Variants in SYT1 observed in about 807,000 individuals in gnomAD.
SYT1 encodes the protein synaptotagmin-1.
SYT1 carries 8 observed loss-of-function variants against 44.8 expected under a neutral mutation model. The observed-to-expected ratio is 0.18, with a 90% confidence interval of 0.10 to 0.32. The LOEUF is 0.32. Among genes scored for constraint, SYT1 ranks in the 10% least tolerant of loss-of-function variants. The pLI is 1.00. For synonymous variants in SYT1, 154 were observed against 188.8 expected, an observed-to-expected ratio of 0.82 and a Z score of 1.51; for missense variants, 286 against 509.3, an observed-to-expected ratio of 0.56 and a Z score of 4.22.
chr12:79,370,517 C>G (rs1311192712), intron 9 of SYT1, among the ~76,000 whole-genome samples: 2 of 152,060 alleles, frequency 1.3e-5, no homozygotes, highest in African/African-American at 4.8e-5. Context: ...AATCCCAGCA[C>G]TTTGGGAGGC....
intron 1 of SYT1, among the ~76,000 whole-genome samples, chr12:78,929,263 G>A (rs1439679068): frequency 6.6e-6 from 1 of 150,812 alleles, no homozygotes; most frequent in Non-Finnish European, 1.5e-5. Context: ...TTAGCTGGAC[G>A]TGGCAGCACA....
At chr12:79,419,967 A>C (rs1325754973) in intron 9 of SYT1, among the ~76,000 whole-genome samples, 1 of 151,752 alleles carries the variant, frequency 6.6e-6, no homozygotes, top group African/African-American at 2.4e-5. Flanking sequence ...CTGCAACTTG[A>C]CTCCATATTT....
At chr12:79,448,356 C>T (rs1870848730) in intron 10 of SYT1, among the ~76,000 whole-genome samples, 1 of 152,208 alleles carries the variant, frequency 6.6e-6, no homozygotes, top group African/African-American at 2.4e-5. Flanking sequence ...TTTATGCTCA[C>T]AATCATATGA....
intron 1 of SYT1, among the ~76,000 whole-genome samples, chr12:78,939,359 T>G (rs1208247541): frequency 1.3e-5 from 2 of 152,186 alleles, no homozygotes; most frequent in Middle Eastern, 3.2e-3. Context: ...GATTTAAGTT[T>G]ATTGTTTTCG....
intron 3 of SYT1, among the ~76,000 whole-genome samples, chr12:79,202,900 G>C (rs543949831): frequency 6.6e-6 from 1 of 151,992 alleles, no homozygotes; most frequent in African/African-American, 2.4e-5. Context: ...CAGGATGCAG[G>C]GTGCTGAACT....
rs77029934 is a variant in SYT1, at chr12:79,300,938, T to C, written c.810+1387T>C. ...GGAAAAATACCGAGTTTTAAAATTA[T>C]ATGATTTTATGGATAGTTCTTTCCT... On this transcript the variant is annotated intron_variant, in intron 8 of 10. Transcript: ENST00000261205. Among the ~76,000 whole-genome samples, 1,090 of 151,094 alleles carry C rather than the reference T, an allele frequency of 7.2e-3. 13 individuals are homozygous for C. The highest frequency in any genetic ancestry group is 0.025 in the African/African-American group (1,039 of 41,272).
At chr12:78,990,959 T>G (rs1485655148) in intron 2 of SYT1, among the ~76,000 whole-genome samples, 1 of 152,136 alleles carries the variant, frequency 6.6e-6, no homozygotes, top group African/African-American at 2.4e-5. Flanking sequence ...ATAAAACAAG[T>G]GAATGTGGCC....
chr12:79,333,062 T>C (rs1448294241), intron 8 of SYT1, among the ~76,000 whole-genome samples: 2 of 152,162 alleles, frequency 1.3e-5, no homozygotes, highest in African/African-American at 2.4e-5. Context: ...GGTTATAATT[T>C]CCCCAGATGT....
At chr12:78,867,869 T>C (rs1188092766) in intron 1 of SYT1, among the ~76,000 whole-genome samples, 1 of 151,982 alleles carries the variant, frequency 6.6e-6, no homozygotes, top group Non-Finnish European at 1.5e-5. Flanking sequence ...GTATTAATTA[T>C]ATGCTTGTAT....
At chr12:79,094,677 T>C (rs1878007593) in intron 3 of SYT1, among the ~76,000 whole-genome samples, 1 of 151,924 alleles carries the variant, frequency 6.6e-6, no homozygotes, top group African/African-American at 2.4e-5. Flanking sequence ...AGATTTTTCA[T>C]TTGTTTTAAA....
At chr12:79,363,276 T>C (rs1565926422) in intron 9 of SYT1, among the ~76,000 whole-genome samples, 1 of 152,176 alleles carries the variant, frequency 6.6e-6, no homozygotes, top group East Asian at 1.9e-4. Flanking sequence ...ATTAGAAACA[T>C]GTAGCAAAAG....
intron 8 of SYT1, among the ~76,000 whole-genome samples, chr12:79,343,082 T>C (rs1029955832): frequency 6.6e-6 from 1 of 152,188 alleles, no homozygotes; most frequent in Admixed American, 6.5e-5. Flanking sequence ...GAAATCATTG[T>C]ATTATAGAAT....
At chr12:78,984,931 G>A (rs1869532173) in intron 2 of SYT1, among the ~76,000 whole-genome samples, 1 of 151,890 alleles carries the variant, frequency 6.6e-6, no homozygotes, top group Non-Finnish European at 1.5e-5. Flanking sequence ...GTTATTTGTA[G>A]TTTGCGACAT....
chr12:79,006,558 A>G (rs1039423519), intron 2 of SYT1, among the ~76,000 whole-genome samples: 1 of 152,220 alleles, frequency 6.6e-6, no homozygotes, highest in South Asian at 2.1e-4. Flanking sequence ...AGGGATAAGT[A>G]TTTGGTGCCA....
chr12:79,208,573 C>T (rs1037333104), intron 3 of SYT1, among the ~76,000 whole-genome samples: 63 of 151,778 alleles, frequency 4.2e-4, no homozygotes, highest in African/African-American at 4.6e-4. Context: ...GAGAGGGATA[C>T]GAGAAGGAAA....
At chr12:78,982,660 T>C (rs1411822011) in intron 2 of SYT1, among the ~76,000 whole-genome samples, 1 of 152,176 alleles carries the variant, frequency 6.6e-6, no homozygotes, top group Non-Finnish European at 1.5e-5. Context: ...AGGATGATGG[T>C]ATGGTCTCGC....
intron 4 of SYT1, among the ~76,000 whole-genome samples, chr12:79,273,998 C>T (rs921575410): frequency 6.6e-6 from 1 of 152,136 alleles, no homozygotes; most frequent in Non-Finnish European, 1.5e-5. Context: ...GCAGGAGGAT[C>T]GCTTGAACCC....
chr12:78,963,523 C>A (rs1428313324), intron 1 of SYT1, among the ~76,000 whole-genome samples: 1 of 152,014 alleles, frequency 6.6e-6, no homozygotes, highest in Admixed American at 6.6e-5. Context: ...ACAGACATTT[C>A]TTTAAAGAAG....
intron 10 of SYT1, among the ~76,000 whole-genome samples, 155 bp from the exon 11 acceptor site, chr12:79,448,763 C>T (rs886220009): frequency 4.6e-5 from 7 of 152,182 alleles, no homozygotes; most frequent in Admixed American, 3.9e-4. Context: ...TAAAAATTAA[C>T]GTTTGAGTAT....
Sources: allele counts gnomAD v4.1 joint callset (sites outside exome capture counted in the v4.1 genomes callset), GRCh38; gene constraint gnomAD v4.1.1; transcripts MANE v1.5; gene names NCBI Gene and HGNC (gene_info 2026-07-23, HGNC 2026-07-21).